The following EIF3L variants were observed in gnomAD, a reference collection of about 807,000 sequenced individuals.
EIF3L encodes the protein eIEF associated protein HSPC021.
Under a neutral mutation model 74.6 loss-of-function variants are expected in EIF3L, and 32 were observed. That is an observed-to-expected ratio of 0.43 (90% CI 0.32 to 0.58). The LOEUF is 0.58. EIF3L is among the 20% of genes least tolerant of loss of function. The probability of loss-of-function intolerance (pLI) is 0.06; values close to 1 mark genes in which losing one functional copy is unlikely to be tolerated. For missense variants in EIF3L, 474 were observed against 707.8 expected, an observed-to-expected ratio of 0.67 and a Z score of 3.75; for synonymous variants, 256 against 254.4, an observed-to-expected ratio of 1.01 and a Z score of -0.06.
rs770414204 is a variant in EIF3L at position 37,875,046 on chromosome 22, G to A, written c.906+522G>A. Among the ~76,000 whole-genome samples the A allele has an allele frequency of 2.0e-4, 30 of 151,278 alleles. 1 individual carries two copies. The highest frequency in any genetic ancestry group is 4.6e-4 in the Admixed American group (7 of 15,180). On this transcript the variant is annotated intron_variant, in intron 9 of 12. Transcript: ENST00000652021. ...GCGTGAGCCACCATGCCTGGCCCAT[G>A]GCAGCTCTTTGCTCTTCACATTTTG...
intron 5 of EIF3L, among the ~76,000 whole-genome samples, chr22:37,861,445 A>AGAGGCTAAGGCGGGTGG (rs1240406929): frequency 6.6e-6 from 1 of 152,148 alleles, no homozygotes; most frequent in Non-Finnish European, 1.5e-5. Context: ...CAGAACTTTG[A>AGAGGCTAAGGCGGGTGG]GAGGCTAAGG....
At chr22:37,860,255 G>C (rs1468358309) in intron 5 of EIF3L, among the ~76,000 whole-genome samples, 1 of 152,126 alleles carries the variant, frequency 6.6e-6, no homozygotes, top group African/African-American at 2.4e-5. Context: ...AAGTTAATTG[G>C]ACTAAAAGCC....
rs769475626 is a variant in EIF3L, at chr22:37,877,897, A to C, written c.1301A>C (p.Asn434Thr). The C allele has an allele frequency of 6.2e-7, 1 of 1,612,996 alleles. No homozygotes were observed. The highest frequency in any genetic ancestry group is 8.5e-7 in the Non-Finnish European group (1 of 1,179,834). Residue 434 changes from asparagine to threonine, a missense_variant, in exon 11 of 13, where the codon AAC (asparagine) becomes ACC (threonine). Physicochemically the swap from Asn to Thr is moderately conservative, Grantham distance 65. This residue lies in a region of EIF3L where 293 missense variants were observed against 469.1 expected (regional missense o/e 0.62). Transcript: ENST00000652021. Reference sequence around the variant, plus strand: ...CCCAACTATGATAATGTGCACCCCAACTACCACAAAGAGCCCTTCCTGCAG... The same window carrying C: ...CCCAACTATGATAATGTGCACCCCACCTACCACAAAGAGCCCTTCCTGCAG... ...VVPNYDNVHP[N>T]YHKEPFLQQL... is the part of the protein sequence containing the mutation.
intron 2 of EIF3L, chr22:37,850,397 G>T (rs993645850): frequency 3.1e-5 from 8 of 254,402 alleles, no homozygotes; most frequent in African/African-American, 1.8e-4. Flanking sequence ...GCAGTGGTGC[G>T]ATCTCGGCTC....
At chr22:37,855,777 C>T (rs1317475432) in intron 4 of EIF3L, 133 bp downstream of exon 4, 2 of 651,198 alleles carry the variant, frequency 3.1e-6, no homozygotes, top group East Asian at 2.7e-5. Context: ...TGTAGTAGGT[C>T]CTTGGCAAAA....
intron 8 of EIF3L, among the ~76,000 whole-genome samples, chr22:37,873,689 C>CA (rs1449210150): frequency 1.3e-5 from 2 of 151,906 alleles, no homozygotes; most frequent in Non-Finnish European, 2.9e-5. Context: ...TTACCCAGGC[C>CA]AAAATGCAGT....
chr22:37,881,588 T>G (rs1927050595), intron 11 of EIF3L: 1 of 152,090 alleles, frequency 6.6e-6, no homozygotes, highest in African/African-American at 2.4e-5. Context: ...TTTGTATTTT[T>G]AGTAGAGACA....
intron 4 of EIF3L, 147 bp from the exon 5 acceptor site, chr22:37,858,532 T>C (rs1925665877): frequency 1.4e-6 from 1 of 712,790 alleles, no homozygotes. Flanking sequence ...GATTTTCTCA[T>C]TGCATGTATT....
chr22:37,849,550 C>G, intron 1 of EIF3L, 68 bp downstream of exon 1: 1 of 1,506,720 alleles, frequency 6.6e-7, no homozygotes, highest in Non-Finnish European at 8.9e-7. Flanking sequence ...GGATGTGGGT[C>G]CCGGCGCGAG....
intron 5 of EIF3L, among the ~76,000 whole-genome samples, chr22:37,861,419 C>T (rs1925849009): frequency 6.6e-6 from 1 of 152,206 alleles, no homozygotes; most frequent in Non-Finnish European, 1.5e-5. Flanking sequence ...GGCGCTGTGG[C>T]TTACGCCTGT....
At chr22:37,849,888 C>T in intron 1 of EIF3L, 127 bp from the exon 2 acceptor site, 2 of 1,010,504 alleles carry the variant, frequency 2.0e-6, no homozygotes, top group Non-Finnish European at 3.1e-6. Flanking sequence ...GTGAGTTCCT[C>T]AAAGGCAGGC....
chr22:37,870,091 G>C, intron 7 of EIF3L, 85 bp from the exon 8 acceptor site: 2 of 1,265,318 alleles, frequency 1.6e-6, no homozygotes, highest in Non-Finnish European at 2.2e-6. Context: ...CAGAGCCAGA[G>C]CATTGCCTCG....
chr22:37,868,633 G>GTTTTT (rs750362692), intron 7 of EIF3L, among the ~76,000 whole-genome samples: 3 of 27,664 alleles, frequency 1.1e-4, no homozygotes, highest in African/African-American at 1.7e-4. Context: ...TTGTTTTGGT[G>GTTTTT]CTTTTTTTTT....
At chr22:37,876,103 A>C (rs913545882) in intron 10 of EIF3L, 92 bp downstream of exon 10, 54 of 1,388,776 alleles carry the variant, frequency 3.9e-5, no homozygotes, top group Non-Finnish European at 4.4e-5. Context: ...ACCATCCAAA[A>C]TATTGCACTT....
At chr22:37,878,456 A>C in intron 11 of EIF3L, 1 of 236,994 alleles carries the variant, frequency 4.2e-6, no homozygotes. Flanking sequence ...TAAACAATAG[A>C]TGGTTTTGTT....
intron 5 of EIF3L, among the ~76,000 whole-genome samples, chr22:37,858,945 C>A (rs1253807724): frequency 6.6e-6 from 1 of 151,740 alleles, no homozygotes; most frequent in Non-Finnish European, 1.5e-5. Context: ...CCTATGCATT[C>A]TTTTAAATTT....
In EIF3L at chr22:37,850,024, G is replaced by C. The variant is rs972790517; in HGVS notation, c.43G>C (p.Asp15His). Residue 15 changes from aspartate to histidine, a missense_variant, in exon 2 of 13, where the codon GAC (aspartate) becomes CAC (histidine). Transcript: ENST00000652021. ...ADDYESEAAY[D>H]PYAYPSDYDM... ...GTCTCTTTCCTTCTAGGCGGCTTAT[G>C]ACCCCTACGCTTATCCCAGCGACTA... is the stretch of plus-strand genomic sequence containing the variant. The C allele has an allele frequency of 6.2e-7, 1 of 1,613,740 alleles. No individual in the cohort carries two copies. Among genetic ancestry groups the C allele is most frequent in the Non-Finnish European group, 8.5e-7 (1 of 1,179,814 alleles).
intron 5 of EIF3L, 69 bp from the exon 6 acceptor site, chr22:37,862,900 C>T: frequency 8.7e-7 from 1 of 1,149,082 alleles, no homozygotes; most frequent in Non-Finnish European, 1.3e-6. Context: ...ACAGCTGTCA[C>T]AGTATACCAT....
chr22:37,880,788 T>G (rs1347090860), intron 11 of EIF3L: 1 of 152,228 alleles, frequency 6.6e-6, no homozygotes, highest in Non-Finnish European at 1.5e-5. Flanking sequence ...CCTGTCCTGA[T>G]GTCTAACATC....
Sources: allele counts gnomAD v4.1 joint callset (sites outside exome capture counted in the v4.1 genomes callset), GRCh38; gene constraint gnomAD v4.1.1; regional missense constraint gnomAD v4.1.1; transcripts MANE v1.5; gene names NCBI Gene and HGNC (gene_info 2026-07-23, HGNC 2026-07-21).